PIK3R5: variants seen among roughly 807,000 people sequenced by gnomAD.
PIK3R5 encodes the protein phosphoinositide-3-kinase regulatory subunit 5.
In PIK3R5, 32 loss-of-function variants were observed where a neutral mutation model predicts 94.9. The observed-to-expected ratio is 0.34, with a 90% CI of 0.25 to 0.45. The LOEUF is 0.45. Ranked by LOEUF, PIK3R5 falls within the 20% of genes least tolerant of loss-of-function variation. PIK3R5 has a pLI of 1.00. For missense variants in PIK3R5, 853 were observed against 1,144.6 expected (o/e 0.75, Z 3.68); for synonymous variants, 443 against 479.4 (o/e 0.92, Z 0.99).
intron 3 of PIK3R5, among the ~76,000 whole-genome samples, chr17:8,908,530 AACACAC>A (rs3138608): frequency 0.019 from 2,659 of 136,666 alleles, 48 homozygotes; most frequent in African/African-American, 0.052. Context: ...AAATAATTAA[AACACAC>A]ACACACACAC....
Position 8,888,974 on chromosome 17 carries a change from G to A in PIK3R5, c.896-83C>T. 6.5e-7 allele frequency: 1 copy of A among 1,537,990 alleles called. No homozygotes were observed. Among genetic ancestry groups the A allele is most frequent in the African/African-American group, 1.4e-5 (1 of 73,348 alleles). On this transcript the variant is annotated intron_variant, in intron 9 of 18. Coordinates refer to ENST00000447110, the MANE Select transcript of PIK3R5 (RefSeq NM_001142633.3). This position sits in a 1 kb window ranked among gnomAD's most constrained non-coding sequence, Gnocchi z 7.8. ...ATTCCCTTTGGAGGGGAGACAGCAG[G>A]ACTCAGGGCCAGCCCAGGACTCCTA...
Position 8,904,117 on chromosome 17 carries a change from A to T in PIK3R5, c.412+660T>A, listed in dbSNP as rs2090348050. ...AGGCATCTATTGAGATGCTTTTGCGAATTTATTCCTTTGAGTACTGATTCG... is the reference window on the plus strand; with the variant it reads ...AGGCATCTATTGAGATGCTTTTGCGTATTTATTCCTTTGAGTACTGATTCG... On this transcript the variant is annotated intron_variant, in intron 5 of 18. Coordinates refer to ENST00000447110, the MANE Select transcript of PIK3R5 (RefSeq NM_001142633.3). The surrounding 1 kb of genome is among the most constrained non-coding windows in gnomAD (Gnocchi z 5.1). Among the ~76,000 whole-genome samples the T allele has an allele frequency of 6.6e-6, 1 of 152,198 alleles. No homozygotes were observed.
intron 5 of PIK3R5, among the ~76,000 whole-genome samples, chr17:8,899,156 A>T (rs755485544): frequency 2.0e-5 from 3 of 152,242 alleles, no homozygotes; most frequent in Non-Finnish European, 2.9e-5. Flanking sequence ...AGTGGCACTG[A>T]CGTGAGGTTT....
chr17:8,881,869 C>T lies in PIK3R5; in HGVS notation c.2218G>A (p.Gly740Arg). The T allele has an allele frequency of 6.2e-7, 1 of 1,613,664 alleles. No homozygotes were observed. Among genetic ancestry groups the T allele is most frequent in the Non-Finnish European group, 8.5e-7 (1 of 1,179,732 alleles). ...QIIYSKGAIS[G>R]RSRWSNLEKV... Reference sequence around the variant, plus strand: ...TCCAGGTTGCTCCAGCGACTTCGTCCACTGATGGCCCCCTGGAAATGCAGT... The same window carrying T: ...TCCAGGTTGCTCCAGCGACTTCGTCTACTGATGGCCCCCTGGAAATGCAGT... Residue 740 changes from glycine (G) to arginine (R), a missense_variant, in exon 16 of 19, where the codon GGA becomes AGA. Physicochemically the swap from Gly to Arg is moderately radical, Grantham distance 125 (BLOSUM62 -2). This residue lies in a region of PIK3R5 where 173 missense variants were observed against 274.1 expected (regional missense o/e 0.63). Coordinates refer to ENST00000447110, the MANE Select transcript of PIK3R5 (RefSeq NM_001142633.3). The surrounding 1 kb of genome is among the most constrained non-coding windows in gnomAD (Gnocchi z 4.8).
At chr17:8,939,076 G>C (rs1252126604) in intron 1 of PIK3R5, among the ~76,000 whole-genome samples, 3 of 152,182 alleles carry the variant, frequency 2.0e-5, no homozygotes, top group Admixed American at 2.0e-4. Flanking sequence ...GCTGCTGGAA[G>C]AGGCAGGCAC....
At chr17:8,933,057 A>G (rs2091014156) in intron 1 of PIK3R5, among the ~76,000 whole-genome samples, 1 of 152,202 alleles carries the variant, frequency 6.6e-6, no homozygotes, top group Admixed American at 6.5e-5. Flanking sequence ...TAGAAACAAC[A>G]CAAACTAGGA....
chr17:8,929,906 C>A (rs938651403), intron 1 of PIK3R5, among the ~76,000 whole-genome samples: 1 of 152,188 alleles, frequency 6.6e-6, no homozygotes, highest in African/African-American at 2.4e-5. Context: ...CCAGACTTAA[C>A]AACTATACAA....
chr17:8,912,732 T>TA (rs2090552430), intron 1 of PIK3R5, among the ~76,000 whole-genome samples: 1 of 152,158 alleles, frequency 6.6e-6, no homozygotes, highest in Non-Finnish European at 1.5e-5. Flanking sequence ...CAAAGAGGGA[T>TA]AAAATCCTAA....
chr17:8,936,927 T>C lies in PIK3R5; in HGVS notation c.-13-25420A>G, dbSNP rs189937647. ...CTCCATTTATTTAGATTTCTGTAGA[T>C]TTTTTTATCCATTTTATTGTTTTCT... On this transcript the variant is annotated intron_variant, in intron 1 of 18. Coordinates refer to ENST00000447110, the MANE Select transcript of PIK3R5 (RefSeq NM_001142633.3). 3.3e-5 allele frequency among the ~76,000 whole-genome samples: 5 copies of C among 152,188 alleles called. No individual in the cohort carries two copies. The South Asian group carries it at 6.2e-4, about 19-fold the overall frequency.
At chr17:8,905,899 G>A (rs1245276882) in intron 3 of PIK3R5, among the ~76,000 whole-genome samples, 162 bp from the exon 4 acceptor site, 1 of 150,150 alleles carries the variant, frequency 6.7e-6, no homozygotes, top group Non-Finnish European at 1.5e-5. Flanking sequence ...GGATGTAAAC[G>A]AAAACACTTA....
At position 8,892,408 on chromosome 17, in the gene PIK3R5, C is replaced by T. The variant is rs921097605; in HGVS notation, c.482+1178G>A. Among the ~76,000 whole-genome samples the T allele has an allele frequency of 1.4e-4, 21 of 152,106 alleles. No homozygotes were observed. The highest frequency in any genetic ancestry group is 2.5e-4 in the Non-Finnish European group (17 of 68,016). ...AGAATTTATCATCATTCTCAATTTA[C>T]AGATAATGAAAGTGAGACCATCTCC... is the stretch of plus-strand genomic sequence containing the variant. On this transcript the variant is annotated intron_variant, in intron 6 of 18. Coordinates refer to ENST00000447110, the MANE Select transcript of PIK3R5 (RefSeq NM_001142633.3). This position sits in a 1 kb window ranked among gnomAD's most constrained non-coding sequence, Gnocchi z 4.3.
chr17:8,887,783 A>G, intron 10 of PIK3R5, 100 bp from the exon 11 acceptor site: 1 of 1,102,096 alleles, frequency 9.1e-7, no homozygotes, highest in East Asian at 2.7e-5. Context: ...ACCCGAGGCC[A>G]GGAGTTCAAG....
Position 8,893,443 on chromosome 17 carries a change from C to T in PIK3R5, c.482+143G>A. 2 of 673,456 alleles carry T rather than the reference C, an allele frequency of 3.0e-6. No individual in the cohort carries two copies. The highest frequency in any genetic ancestry group is 2.6e-5 in the East Asian group (1 of 37,978). The allele number at this position is 673,456 out of a possible 1,614,324, so 41.7% of individuals were successfully genotyped here. On this transcript the variant is annotated intron_variant, in intron 6 of 18. Transcript: ENST00000447110. The surrounding 1 kb of genome is among the most constrained non-coding windows in gnomAD (Gnocchi z 5.1). The stretch of plus-strand genomic sequence containing the variant: ...AGCAGTGCCAGGGGGTTCCCAGTTC[C>T]CTGGAAGCCTGTTTGTTGCTGGCTG...
intron 1 of PIK3R5, among the ~76,000 whole-genome samples, chr17:8,918,079 T>C (rs543438547): frequency 1.3e-5 from 2 of 152,342 alleles, no homozygotes; most frequent in African/African-American, 4.8e-5. Context: ...TAAATACATA[T>C]AGAAAAATTT....
At chr17:8,942,360 T>C (rs1792869402) in intron 1 of PIK3R5, among the ~76,000 whole-genome samples, 1 of 151,904 alleles carries the variant, frequency 6.6e-6, no homozygotes, top group Non-Finnish European at 1.5e-5. Context: ...TGCAGCCTCT[T>C]CTCTGTTCCA....
rs73973264 is a variant in PIK3R5, at chr17:8,911,732, C to G, written c.-13-225G>C. The stretch of plus-strand genomic sequence containing the variant: ...AGGACAGAGCACCCCTGCAGCAGAA[C>G]GGGACAGAGGTGTGGGAAGTAAGGG... On this transcript the variant is annotated intron_variant, in intron 1 of 18. Coordinates refer to ENST00000447110, the MANE Select transcript of PIK3R5 (RefSeq NM_001142633.3). This position sits in a 1 kb window ranked among gnomAD's most constrained non-coding sequence, Gnocchi z 5.3. 2 of 497,246 alleles carry G rather than the reference C, an allele frequency of 4.0e-6. No individual in the cohort carries two copies. Among genetic ancestry groups the G allele is most frequent in the African/African-American group, 3.9e-5 (2 of 51,076 alleles). 30.8% of individuals were successfully genotyped at this position (497,246 alleles called of 1,614,324 possible). A position where few individuals can be genotyped will look rare whatever the true frequency, so the allele number is the denominator to read the frequency against.
At chr17:8,949,219 G>A (rs1354948379) in intron 1 of PIK3R5, among the ~76,000 whole-genome samples, 2 of 152,198 alleles carry the variant, frequency 1.3e-5, no homozygotes, top group Non-Finnish European at 2.9e-5. Context: ...GCCAAGCTAA[G>A]TGCTTAAGGG....
chr17:8,963,351 C>G (rs1281718763), intron 1 of PIK3R5, among the ~76,000 whole-genome samples: 1 of 152,072 alleles, frequency 6.6e-6, no homozygotes, highest in African/African-American at 2.4e-5. Flanking sequence ...CAAAAAGGAT[C>G]CTGGCTCTCC....
At position 8,905,758 on chromosome 17, in the gene PIK3R5, G is replaced by A. The variant is rs92535; in HGVS notation, c.205-21C>T. On this transcript the variant is annotated intron_variant, in intron 3 of 18. Transcript: ENST00000447110. ...TGGACCTGTGGAGAGGAGGAGAAGG[G>A]GAATGAGCCTCATTCACGGGGTCCA... 0.14 allele frequency: 213,308 copies of A among 1,565,158 alleles called. 16,519 individuals carry two copies. The highest frequency in any genetic ancestry group is 0.25 in the South Asian group (21,210 of 85,702).
Sources: allele counts gnomAD v4.1 joint callset (sites outside exome capture counted in the v4.1 genomes callset), GRCh38; gene constraint gnomAD v4.1.1; regional missense constraint gnomAD v4.1.1; non-coding constraint Gnocchi (gnomAD v3.1); transcripts MANE v1.5; gene names NCBI Gene and HGNC (gene_info 2026-07-23, HGNC 2026-07-21).